The following NBDY variants were observed in gnomAD, a reference collection of about 807,000 sequenced individuals.
The protein encoded by NBDY is P-body dissociating protein.
At chrX:56,766,901 CAG>C (rs1411277329) in intron 2 of NBDY, among the ~76,000 whole-genome samples, 24 of 112,682 alleles carry the variant, frequency 2.1e-4, no homozygotes, top group African/African-American at 7.7e-4. Context: ...ACAGCCTGAG[CAG>C]AGTCAGTCTT....
chrX:56,812,845 G>A (rs772688995), intron 2 of NBDY, among the ~76,000 whole-genome samples: 5 of 110,632 alleles, frequency 4.5e-5, no homozygotes, highest in African/African-American at 6.6e-5. Context: ...AGCTCTCTGC[G>A]GGACAAATGT....
chrX:56,753,976 G>C (rs2069598164), intron 2 of NBDY, among the ~76,000 whole-genome samples: 1 of 111,199 alleles, frequency 9.0e-6, no homozygotes, highest in African/African-American at 3.3e-5. Context: ...GCTGTGATGA[G>C]TAGCAAAAGG....
At chrX:56,814,176 C>T (rs1234164545) in intron 2 of NBDY, among the ~76,000 whole-genome samples, 2 of 110,211 alleles carry the variant, frequency 1.8e-5, no homozygotes, top group Admixed American at 1.9e-4. Flanking sequence ...TTTCTTCTTC[C>T]CAGTGGTGGA....
intron 2 of NBDY, among the ~76,000 whole-genome samples, chrX:56,799,762 A>C (rs772098161): frequency 3.0e-4 from 34 of 112,599 alleles, no homozygotes; most frequent in South Asian, 7.3e-4. Context: ...AACACACACA[A>C]AAAAAACAAA....
At chrX:56,732,229 G>C (rs894958903) in intron 2 of NBDY, 30 bp downstream of exon 2, 1 of 292,790 alleles carries the variant, frequency 3.4e-6, no homozygotes, top group Non-Finnish European at 6.0e-6. Context: ...TTATTAAGAG[G>C]AGGAAGAGAA....
chrX:56,812,399 T>A (rs2069891569), intron 2 of NBDY, among the ~76,000 whole-genome samples: 1 of 110,294 alleles, frequency 9.1e-6, no homozygotes, highest in Non-Finnish European at 1.9e-5. Context: ...CCTATTGCCA[T>A]AGGTGGCTGA....
intron 2 of NBDY, among the ~76,000 whole-genome samples, chrX:56,739,303 G>GAT (rs1569284027): frequency 7.6e-5 from 6 of 79,274 alleles, no homozygotes; most frequent in African/African-American, 2.6e-4. Context: ...TATATATAGA[G>GAT]AGAGAGAGAG....
intron 2 of NBDY, among the ~76,000 whole-genome samples, chrX:56,750,486 C>T (rs988227674): frequency 1.8e-5 from 2 of 110,743 alleles, no homozygotes; most frequent in Admixed American, 9.7e-5. Context: ...TATATGCAGA[C>T]GACTTCCAAA....
At chrX:56,761,015 A>G (rs1300233606) in intron 2 of NBDY, among the ~76,000 whole-genome samples, 2 of 112,050 alleles carry the variant, frequency 1.8e-5, no homozygotes, top group Non-Finnish European at 3.8e-5. Context: ...CCTCCTAAGA[A>G]GGAGACTGGC....
chrX:56,734,953 C>T (rs1327833097), intron 2 of NBDY, among the ~76,000 whole-genome samples: 2 of 111,935 alleles, frequency 1.8e-5, no homozygotes, highest in African/African-American at 3.3e-5. Flanking sequence ...AACTGAAGCA[C>T]GGAGAGGTTA....
In NBDY at chrX:56,790,916, G is replaced by C. The variant is rs911833554; in HGVS notation, c.*167-26404G>C. ...AGATCGTGCGGATGGGGTTGGGGTG[G>C]GCGCAGTGGGGAGCATGGCAGCCTC... is the stretch of plus-strand genomic sequence containing the variant. On this transcript the variant is annotated intron_variant, in intron 2 of 2. Coordinates refer to ENST00000374922, the MANE Select transcript of NBDY (RefSeq NM_001348129.2). Among the ~76,000 whole-genome samples the C allele has an allele frequency of 1.4e-4, 16 of 112,198 alleles. No homozygotes were observed. The East Asian group carries it at 4.5e-3, about 32-fold the overall frequency.
chrX:56,788,032 T>C, intron 2 of NBDY, among the ~76,000 whole-genome samples: 1 of 111,919 alleles, frequency 8.9e-6, no homozygotes, highest in Non-Finnish European at 1.9e-5. Flanking sequence ...GCCATGATAA[T>C]GTGTTCTTTG....
chrX:56,796,676 G>A (rs925637403), intron 2 of NBDY, among the ~76,000 whole-genome samples: 1 of 110,496 alleles, frequency 9.1e-6, no homozygotes, highest in Non-Finnish European at 1.9e-5. Flanking sequence ...CTCTCTTTTT[G>A]GGGGTCCTTC....
At chrX:56,812,861 C>T (rs2069894087) in intron 2 of NBDY, among the ~76,000 whole-genome samples, 1 of 111,023 alleles carries the variant, frequency 9.0e-6, no homozygotes. Flanking sequence ...AATGTTCTAT[C>T]GAGACTGCTT....
At chrX:56,799,364 G>C (rs1202530015) in intron 2 of NBDY, among the ~76,000 whole-genome samples, 2 of 113,310 alleles carry the variant, frequency 1.8e-5, no homozygotes, top group African/African-American at 3.2e-5. Context: ...AATGGCCCCA[G>C]TCTCGGCAGT....
intron 2 of NBDY, among the ~76,000 whole-genome samples, chrX:56,782,169 T>C (rs924369588): frequency 9.0e-6 from 1 of 111,511 alleles, no homozygotes; most frequent in Non-Finnish European, 1.9e-5. Context: ...ACTAGATCCT[T>C]CAGGACAGCT....
At chrX:56,742,808 C>T (rs1458965283) in intron 2 of NBDY, among the ~76,000 whole-genome samples, 2 of 111,278 alleles carry the variant, frequency 1.8e-5, no homozygotes, top group Non-Finnish European at 3.8e-5. Context: ...ATTTGGATGC[C>T]CTTAATTTCT....
chrX:56,791,635 G>C (rs755313663), intron 2 of NBDY, among the ~76,000 whole-genome samples: 1 of 111,746 alleles, frequency 8.9e-6, no homozygotes, highest in East Asian at 2.8e-4. Flanking sequence ...AGCGGAACAT[G>C]ACCAGTGGCT....
chrX:56,803,961 C>T (rs1478995395), intron 2 of NBDY, among the ~76,000 whole-genome samples: 2 of 111,258 alleles, frequency 1.8e-5, no homozygotes, highest in Non-Finnish European at 3.8e-5. Flanking sequence ...CTGGATTCCT[C>T]TCTGGGCAGG....
Sources: allele counts gnomAD v4.1 joint callset (sites outside exome capture counted in the v4.1 genomes callset), GRCh38; gene constraint gnomAD v4.1.1; transcripts MANE v1.5; gene names NCBI Gene and HGNC (gene_info 2026-07-23, HGNC 2026-07-21).